Variants in RPTOR observed in about 807,000 individuals in gnomAD.
RPTOR encodes the protein regulatory associated protein of MTOR complex 1.
Under a neutral mutation model 169.9 loss-of-function variants are expected in RPTOR, and 21 were observed. The observed-to-expected ratio is 0.12, with a 90% CI of 0.09 to 0.18. The LOEUF (loss-of-function observed/expected upper bound fraction) is 0.18. Among genes scored for constraint, RPTOR ranks in the 10% least tolerant of loss-of-function variants. The pLI is 1.00. For missense variants in RPTOR, 1,133 were observed against 1,855.9 expected, an observed-to-expected ratio of 0.61 and a Z score of 7.16; for synonymous variants, 732 against 753.2, an observed-to-expected ratio of 0.97 and a Z score of 0.46.
chr17:80,620,720 C>T (rs552911082), intron 1 of RPTOR, among the ~76,000 whole-genome samples: 2 of 152,166 alleles, frequency 1.3e-5, no homozygotes, highest in Non-Finnish European at 2.9e-5. Context: ...GAGCCGAGAT[C>T]GTGCCACTGC....
At position 80,651,417 on chromosome 17, in the gene RPTOR, T is replaced by A. The variant is rs1356187391; in HGVS notation, c.348+7607T>A. On this transcript the variant is annotated intron_variant, in intron 3 of 33. Transcript: ENST00000306801. The surrounding 1 kb of genome is among the most constrained non-coding windows in gnomAD (Gnocchi z 4.1). The stretch of plus-strand genomic sequence containing the variant: ...AAGTGTCTGCGGTACTTGATTTCAT[T>A]TTGCAGGGGAAACCATATGTCACAG... Among the ~76,000 whole-genome samples, 1 of 152,126 alleles carries A rather than the reference T, an allele frequency of 6.6e-6. No homozygotes were observed. Among genetic ancestry groups the A allele is most frequent in the Non-Finnish European group, 1.5e-5 (1 of 68,026 alleles).
chr17:80,596,396 G>A (rs955987125), intron 1 of RPTOR, among the ~76,000 whole-genome samples: 16 of 152,152 alleles, frequency 1.1e-4, no homozygotes, highest in Non-Finnish European at 1.9e-4. Flanking sequence ...ATCGTTCAAA[G>A]GATAGTGGGC....
intron 7 of RPTOR, among the ~76,000 whole-genome samples, chr17:80,809,218 G>A (rs547319503): frequency 9.9e-5 from 15 of 152,114 alleles, no homozygotes; most frequent in African/African-American, 1.4e-4. Context: ...TTGAGATGGC[G>A]TCTCACTTTC....
rs754090886 is a variant in RPTOR at position 80,857,839 on chromosome 17, C to T, written c.1448C>T (p.Ser483Leu). 6.2e-6 allele frequency: 10 copies of T among 1,612,918 alleles called. No individual in the cohort carries two copies. The highest frequency in any genetic ancestry group is 2.2e-5 in the East Asian group (1 of 44,900). The change falls in exon 13 of 34, where the codon TCG becomes TTG. Residue 483 changes from serine (S) to leucine (L), a missense_variant. Ser to Leu is a moderately radical substitution (Grantham distance 145, BLOSUM62 -2). This residue lies in a region of RPTOR where 289 missense variants were observed against 585.8 expected (regional missense o/e 0.49). Transcript: ENST00000306801. ...FPYVLKLLQS[S>L]ARELRPLLVF... ...TACGTGCTGAAGCTGCTCCAGAGCT[C>T]GGCCCGAGAGCTGCGGCCACTTCTC... is the stretch of plus-strand genomic sequence containing the variant.
At chr17:80,886,599 G>A (rs755806793) in intron 17 of RPTOR, among the ~76,000 whole-genome samples, 2 of 152,212 alleles carry the variant, frequency 1.3e-5, no homozygotes, top group African/African-American at 2.4e-5. Context: ...TAGAGAGGAC[G>A]TTAGCTGTGA....
chr17:80,764,319 C>G (rs1021946442), intron 6 of RPTOR, among the ~76,000 whole-genome samples: 2 of 119,740 alleles, frequency 1.7e-5, no homozygotes, highest in African/African-American at 6.4e-5. Context: ...CCCCTCCCCC[C>G]ACCCCACAAC....
chr17:80,604,789 A>G (rs2065216411), intron 1 of RPTOR, among the ~76,000 whole-genome samples: 1 of 152,154 alleles, frequency 6.6e-6, no homozygotes, highest in Non-Finnish European at 1.5e-5. Flanking sequence ...AGACTTATTC[A>G]CCATCATGAG....
At chr17:80,792,107 G>A (rs932942547) in intron 7 of RPTOR, among the ~76,000 whole-genome samples, 2 of 152,206 alleles carry the variant, frequency 1.3e-5, no homozygotes, top group African/African-American at 2.4e-5. Flanking sequence ...TTCAGGACCC[G>A]GAGCGTGGCC....
intron 4 of RPTOR, among the ~76,000 whole-genome samples, chr17:80,716,013 T>C (rs2066236525): frequency 6.6e-6 from 1 of 152,236 alleles, no homozygotes; most frequent in South Asian, 2.1e-4. Context: ...TTGCGAATTG[T>C]GCTGCTATAA....
At chr17:80,831,896 C>T (rs2067509912) in intron 9 of RPTOR, among the ~76,000 whole-genome samples, 1 of 152,122 alleles carries the variant, frequency 6.6e-6, no homozygotes, top group Non-Finnish European at 1.5e-5. Flanking sequence ...ACTGTGCACA[C>T]AGTAAAATTT....
intron 5 of RPTOR, among the ~76,000 whole-genome samples, chr17:80,740,801 G>A (rs903064029): frequency 6.6e-6 from 1 of 152,100 alleles, no homozygotes; most frequent in African/African-American, 2.4e-5. Context: ...AAACCTAACA[G>A]CCGTCCTTTT....
At chr17:80,590,940 A>T (rs904596844) in intron 1 of RPTOR, among the ~76,000 whole-genome samples, 30 of 151,872 alleles carry the variant, frequency 2.0e-4, no homozygotes, top group Non-Finnish European at 4.4e-4. Context: ...TGATTTTTTT[A>T]AATTATGATT....
At chr17:80,768,017 C>T (rs2066804772) in intron 6 of RPTOR, among the ~76,000 whole-genome samples, 1 of 152,152 alleles carries the variant, frequency 6.6e-6, no homozygotes. Context: ...GCACGTAACA[C>T]CATGCCTGGC....
chr17:80,858,140 T>TC (rs1390289487), intron 13 of RPTOR: 3 of 537,072 alleles, frequency 5.6e-6, no homozygotes, highest in Non-Finnish European at 1.0e-5. Context: ...CTGCGCTCAG[T>TC]CCCCCCACAC....
rs563329781 is a variant in RPTOR at position 80,733,236 on chromosome 17, G to A, written c.654+2530G>A. On this transcript the variant is annotated intron_variant, in intron 5 of 33. Transcript: ENST00000306801. The stretch of plus-strand genomic sequence containing the variant: ...GCACACACTTCAAACCATCAGAGCC[G>A]GAAAATGACATATCTGTCACTCAGT... 1.8e-4 allele frequency among the ~76,000 whole-genome samples: 27 copies of A among 152,144 alleles called. No individual in the cohort carries two copies. In the East Asian group the frequency reaches 4.6e-3, roughly 26 times the overall value.
chr17:80,943,447 G>T, intron 25 of RPTOR, among the ~76,000 whole-genome samples: 1 of 152,198 alleles, frequency 6.6e-6, no homozygotes, highest in East Asian at 1.9e-4. Flanking sequence ...GGGAAACAGG[G>T]CCTCCCCGCA....
chr17:80,784,040 G>A (rs1025758613), intron 6 of RPTOR, among the ~76,000 whole-genome samples: 5 of 152,176 alleles, frequency 3.3e-5, no homozygotes, highest in South Asian at 2.1e-4. Flanking sequence ...GCAGTGGCAC[G>A]ATCATAGCTC....
chr17:80,652,343 C>T (rs1296569347), intron 3 of RPTOR, among the ~76,000 whole-genome samples: 6 of 152,218 alleles, frequency 3.9e-5, no homozygotes, highest in Non-Finnish European at 8.8e-5. Flanking sequence ...CAGTCACCAG[C>T]CTGCCTTCTG....
chr17:80,921,036 G>C (rs2143971393), intron 21 of RPTOR, among the ~76,000 whole-genome samples: 1 of 152,338 alleles, frequency 6.6e-6, no homozygotes, highest in East Asian at 1.9e-4. Flanking sequence ...CCATTTTCTT[G>C]CTATTTGCGT....
Sources: gnomAD v4.1 joint callset for allele counts (sites outside exome capture counted in the v4.1 genomes callset) on GRCh38, gnomAD v4.1.1 for gene constraint, gnomAD v4.1.1 regional missense constraint, Gnocchi (gnomAD v3.1) non-coding constraint, MANE v1.5 for transcripts, NCBI Gene and HGNC (gene_info 2026-07-23, HGNC 2026-07-21) for gene names.